Variants in ADCY1 observed in about 807,000 individuals in gnomAD.
ADCY1 encodes the protein adenylate cyclase 1.
A neutral mutation model predicts 105.4 loss-of-function variants in ADCY1; 28 were observed. The observed-to-expected ratio is 0.27, with a 90% CI of 0.20 to 0.36. The LOEUF is 0.36. Among genes scored for constraint, ADCY1 ranks in the 10% least tolerant of loss-of-function variants. The probability of loss-of-function intolerance (pLI) is 1.00; values close to 1 mark genes in which losing one functional copy is unlikely to be tolerated. For missense variants in ADCY1, 977 were observed against 1,434.2 expected (o/e 0.68, Z 5.15); for synonymous variants, 655 against 623.8 (o/e 1.05, Z -0.75).
chr7:45,711,029 G>A (rs144885401), intron 19 of ADCY1, among the ~76,000 whole-genome samples: 1 of 152,286 alleles, frequency 6.6e-6, no homozygotes, highest in African/African-American at 2.4e-5. Flanking sequence ...GGAGGGTGCT[G>A]TGCATGTCCA....
chr7:45,621,292 G>A (rs536338358), intron 3 of ADCY1, among the ~76,000 whole-genome samples: 7 of 151,800 alleles, frequency 4.6e-5, no homozygotes, highest in Non-Finnish European at 8.8e-5. Flanking sequence ...TCTCGAACTC[G>A]TGGACTCAGG....
At chr7:45,631,035 G>A (rs1375540521) in intron 4 of ADCY1, among the ~76,000 whole-genome samples, 1 of 152,160 alleles carries the variant, frequency 6.6e-6, no homozygotes, top group Non-Finnish European at 1.5e-5. Flanking sequence ...ATAATGGAAA[G>A]TAAAATAATA....
rs557531197 is a variant in ADCY1 at position 45,680,944 on chromosome 7, A to C, written c.1983+1151A>C. 5.8e-4 allele frequency among the ~76,000 whole-genome samples: 89 copies of C among 152,364 alleles called. 1 individual carries two copies. Among genetic ancestry groups the C allele is most frequent in the Non-Finnish European group, 1.1e-3 (72 of 68,036 alleles). On this transcript the variant is annotated intron_variant, in intron 11 of 19. Transcript: ENST00000297323. ...CGCCAGCCTGGAAAGCTCTGCCCAA[A>C]GGTCCTGGCCCAGGAATACTGATTC...
intron 6 of ADCY1, among the ~76,000 whole-genome samples, chr7:45,658,881 G>A (rs185837388): frequency 1.3e-4 from 20 of 152,300 alleles, no homozygotes; most frequent in African/African-American, 2.6e-4. Context: ...TGCCGTGAGC[G>A]CCCTGCCTGC....
intron 4 of ADCY1, among the ~76,000 whole-genome samples, chr7:45,644,847 G>A (rs1047002126): frequency 6.6e-6 from 1 of 152,176 alleles, no homozygotes; most frequent in Admixed American, 6.5e-5. Flanking sequence ...GGGCCTCTGA[G>A]ATTAAAGACA....
intron 12 of ADCY1, 39 bp downstream of exon 12, chr7:45,685,107 G>T: frequency 6.4e-7 from 1 of 1,569,668 alleles, no homozygotes; most frequent in Non-Finnish European, 8.8e-7. Flanking sequence ...TGGGGCGGGA[G>T]AGGGCATGGC....
intron 4 of ADCY1, among the ~76,000 whole-genome samples, chr7:45,632,531 T>A (rs1794285513): frequency 8.2e-6 from 1 of 122,334 alleles, no homozygotes. Context: ...TTCTATACAT[T>A]TCTCAGAAAT....
chr7:45,610,875 G>GGT (rs1793551916), intron 3 of ADCY1, among the ~76,000 whole-genome samples: 2 of 146,994 alleles, frequency 1.4e-5, no homozygotes, highest in African/African-American at 5.0e-5. Context: ...TGATGGTGGA[G>GGT]GTGGGAAGGT....
intron 4 of ADCY1, among the ~76,000 whole-genome samples, chr7:45,629,810 C>T (rs558316155): frequency 1.2e-4 from 18 of 152,280 alleles, no homozygotes; most frequent in East Asian, 7.7e-4. Context: ...TGAGCCACCG[C>T]GCCCGGCCGT....
chr7:45,721,467 G>T lies in ADCY1; in HGVS notation c.*7472G>T. The T allele has an allele frequency of 5.1e-6, 2 of 391,128 alleles. No homozygotes were observed. Among genetic ancestry groups the T allele is most frequent in the Non-Finnish European group, 9.0e-6 (2 of 222,034 alleles). The allele number at this position is 391,128 out of a possible 1,614,324, so 24.2% of individuals were successfully genotyped here. A position where few individuals can be genotyped will look rare whatever the true frequency, so the allele number is the denominator to read the frequency against. On this transcript the variant is annotated 3_prime_UTR_variant, in exon 20 of 20. Transcript: ENST00000297323. ...TTAAGAGCTGTTGCCTTATTTTTTT[G>T]TAAAGCCTCTCTGACATCAAATGGG...
chr7:45,666,683 G>C (rs1784266920), intron 8 of ADCY1, among the ~76,000 whole-genome samples: 1 of 152,198 alleles, frequency 6.6e-6, no homozygotes, highest in Non-Finnish European at 1.5e-5. Context: ...TCTAGTTCTA[G>C]ATCCCTGAGG....
intron 1 of ADCY1, among the ~76,000 whole-genome samples, chr7:45,583,521 GT>G (rs1792624686): frequency 1.3e-5 from 2 of 152,190 alleles, no homozygotes; most frequent in Non-Finnish European, 2.9e-5. Flanking sequence ...CTTCTCCCAA[GT>G]AGACTCTTCT....
chr7:45,596,362 G>A (rs979370608), intron 2 of ADCY1, among the ~76,000 whole-genome samples: 1 of 152,048 alleles, frequency 6.6e-6, no homozygotes, highest in African/African-American at 2.4e-5. Flanking sequence ...GGATATGGGG[G>A]GATGTGACCT....
chr7:45,656,574 G>A (rs999264412), intron 5 of ADCY1, among the ~76,000 whole-genome samples: 41 of 152,294 alleles, frequency 2.7e-4, no homozygotes, highest in African/African-American at 9.6e-4. Flanking sequence ...AAGGGTTTGA[G>A]TGGAGGTTGG....
At chr7:45,645,804 A>G (rs553202637) in intron 4 of ADCY1, among the ~76,000 whole-genome samples, 1 of 152,218 alleles carries the variant, frequency 6.6e-6, no homozygotes, top group Non-Finnish European at 1.5e-5. Flanking sequence ...AGGTCCTTAG[A>G]GTTGGGGATT....
chr7:45,634,418 T>C (rs528726466), intron 4 of ADCY1, among the ~76,000 whole-genome samples: 1 of 143,340 alleles, frequency 7.0e-6, no homozygotes, highest in African/African-American at 2.5e-5. Context: ...TATTTCTAGT[T>C]TGCTGAGTTT....
Position 45,686,015 on chromosome 7 carries a change from C to T in ADCY1, c.2127C>T (p.Val709=). Residue 709 remains valine, a synonymous_variant, in exon 13 of 20, where the codon GTC becomes GTT. Transcript: ENST00000297323. This position sits in a 1 kb window ranked among gnomAD's most constrained non-coding sequence, Gnocchi z 4.3. Reference sequence around the variant, plus strand: ...CCAAGCCCAACAGTTCCCTGGTGGTCCTTTCGTCTGGGGGCCAGCGCACAG... The same window carrying T: ...CCAAGCCCAACAGTTCCCTGGTGGTTCTTTCGTCTGGGGGCCAGCGCACAG... ...WSSKPNSSLV[V]LSSGGQRTAL... is the part of the protein sequence containing the mutation. 1 of 1,614,076 alleles carries T rather than the reference C, an allele frequency of 6.2e-7. No individual in the cohort carries two copies. Among genetic ancestry groups the T allele is most frequent in the Non-Finnish European group, 8.5e-7 (1 of 1,180,014 alleles).
intron 4 of ADCY1, among the ~76,000 whole-genome samples, chr7:45,623,808 G>A (rs184156000): frequency 3.7e-4 from 56 of 152,314 alleles, no homozygotes; most frequent in African/African-American, 1.3e-3. Context: ...GAAGAGGGAA[G>A]GGGAGGAGGG....
At chr7:45,658,174 A>AT (rs1201466963) in intron 6 of ADCY1, among the ~76,000 whole-genome samples, 1 of 152,250 alleles carries the variant, frequency 6.6e-6, no homozygotes, top group African/African-American at 2.4e-5. Context: ...ACCTCTGCCC[A>AT]TGGCATGGTG....
Sources: allele counts gnomAD v4.1 joint callset (sites outside exome capture counted in the v4.1 genomes callset), GRCh38; gene constraint gnomAD v4.1.1; non-coding constraint Gnocchi (gnomAD v3.1); transcripts MANE v1.5; gene names NCBI Gene and HGNC (gene_info 2026-07-23, HGNC 2026-07-21).